Variants in DCDC1 observed in about 807,000 individuals in gnomAD.
The protein encoded by DCDC1 is doublecortin domain containing 1.
Under a neutral mutation model 178.3 loss-of-function variants are expected in DCDC1, and 200 were observed. The observed-to-expected ratio is 1.12, with a 90% CI of 1.00 to 1.26. The LOEUF (loss-of-function observed/expected upper bound fraction) is 1.26, where lower values mean the gene tolerates loss of function less well. DCDC1 is among the 50% of genes most tolerant of loss of function. The probability of loss-of-function intolerance (pLI) is 0.00; values close to 1 mark genes in which losing one functional copy is unlikely to be tolerated. For missense variants in DCDC1, 1,983 were observed against 1,749.2 expected (o/e 1.13, Z -2.38); for synonymous variants, 690 against 604.8 (o/e 1.14, Z -2.07).
At chr11:31,339,409 A>G (rs1950432914) in intron 1 of DCDC1, among the ~76,000 whole-genome samples, 1 of 152,188 alleles carries the variant, frequency 6.6e-6, no homozygotes, top group Non-Finnish European at 1.5e-5. Context: ...AACTGTGAGG[A>G]ATAAATTTCT....
At chr11:31,158,714 T>C (rs1002011031) in intron 9 of DCDC1, among the ~76,000 whole-genome samples, 1 of 152,190 alleles carries the variant, frequency 6.6e-6, no homozygotes, top group African/African-American at 2.4e-5. Context: ...TCTTTTTTCA[T>C]ATTCAAATAT....
intron 20 of DCDC1, among the ~76,000 whole-genome samples, chr11:30,968,547 C>T (rs1337690480): frequency 6.6e-6 from 1 of 150,750 alleles, no homozygotes; most frequent in African/African-American, 2.4e-5. Flanking sequence ...CTAGTTATTG[C>T]TATTGCATTA....
chr11:31,107,174 G>T (rs208078), intron 12 of DCDC1, among the ~76,000 whole-genome samples: 107,202 of 152,018 alleles, frequency 0.71, 38,768 homozygotes, highest in East Asian at 0.96. Context: ...CAGCAGGGGG[G>T]GCCACAGGCT....
At chr11:31,139,197 C>T (rs1016951866) in intron 9 of DCDC1, among the ~76,000 whole-genome samples, 14 of 152,080 alleles carry the variant, frequency 9.2e-5, no homozygotes, top group African/African-American at 2.4e-4. Flanking sequence ...ATGAGCATGA[C>T]TGTGCTTCAA....
intron 37 of DCDC1, among the ~76,000 whole-genome samples, chr11:30,880,171 T>C (rs1364869874): frequency 1.3e-5 from 2 of 152,076 alleles, no homozygotes; most frequent in African/African-American, 2.4e-5. Flanking sequence ...TAAGTACCCA[T>C]GTAGTGAGGG....
intron 32 of DCDC1, among the ~76,000 whole-genome samples, chr11:30,901,961 T>C (rs1175640950): frequency 2.6e-5 from 4 of 152,134 alleles, no homozygotes; most frequent in Admixed American, 2.6e-4. Context: ...CGTGTGTGTA[T>C]ATAAATACAC....
intron 21 of DCDC1, among the ~76,000 whole-genome samples, chr11:30,945,512 G>A (rs2134424244): frequency 6.6e-6 from 1 of 151,894 alleles, no homozygotes; most frequent in South Asian, 2.1e-4. Flanking sequence ...TGACCAACAT[G>A]GTGAAACCCT....
intron 38 of DCDC1, among the ~76,000 whole-genome samples, chr11:30,867,107 A>G (rs1202974502): frequency 6.6e-6 from 1 of 152,222 alleles, no homozygotes; most frequent in Non-Finnish European, 1.5e-5. Flanking sequence ...CTCAGTTGTC[A>G]TCAGGAAAGT....
intron 6 of DCDC1, among the ~76,000 whole-genome samples, chr11:31,297,497 T>C (rs2616799): frequency 0.7 from 106,842 of 151,796 alleles, 39,030 homozygotes; most frequent in African/African-American, 0.9. Context: ...AGGCGCGCAC[T>C]ACCGTGCCTG....
chr11:31,304,308 GA>G (rs1948314322), intron 6 of DCDC1, among the ~76,000 whole-genome samples: 1 of 152,052 alleles, frequency 6.6e-6, no homozygotes, highest in Admixed American at 6.6e-5. Context: ...GGATCTTAAT[GA>G]AGCAATCATT....
chr11:30,901,952 G>A (rs911643704), intron 32 of DCDC1, among the ~76,000 whole-genome samples: 5 of 152,088 alleles, frequency 3.3e-5, no homozygotes, highest in Middle Eastern at 3.4e-3. Flanking sequence ...ATATATGTGC[G>A]TGTGTGTATA....
At chr11:31,179,947 G>A (rs1298104980) in intron 9 of DCDC1, among the ~76,000 whole-genome samples, 1 of 152,114 alleles carries the variant, frequency 6.6e-6, no homozygotes, top group Non-Finnish European at 1.5e-5. Flanking sequence ...CCATAATCAG[G>A]TAGGATTTAT....
chr11:31,362,976 C>A lies in DCDC1; in HGVS notation c.-125+6721G>T, dbSNP rs550794521. Among the ~76,000 whole-genome samples the A allele has an allele frequency of 4.7e-4, 71 of 152,120 alleles. 1 individual carries two copies. The highest frequency in any genetic ancestry group is 1.5e-3 in the African/African-American group (62 of 41,532). ...AGTAATAAAAAACAGACTATAGTAA[C>A]CCTGATGCTAAATGAAGAATGTATT... is the stretch of plus-strand genomic sequence containing the variant. On this transcript the variant is annotated intron_variant, in intron 1 of 38. Coordinates refer to ENST00000684477, the MANE Select transcript of DCDC1 (RefSeq NM_001387274.1).
rs369683153 is a variant in DCDC1 at position 30,963,358 on chromosome 11, G to T, written c.2592-10790C>A. On this transcript the variant is annotated intron_variant, in intron 20 of 38. Coordinates refer to ENST00000684477, the MANE Select transcript of DCDC1 (RefSeq NM_001387274.1). ...TATGTCAACTAATTTTGCTTAAAGT[G>T]CTTAAAGTCCATATCAGACAGAAAC... 5.9e-5 allele frequency among the ~76,000 whole-genome samples: 9 copies of T among 152,236 alleles called. No individual in the cohort carries two copies. The East Asian group carries it at 1.5e-3, about 26-fold the overall frequency.
At chr11:31,272,436 C>G (rs1447864856) in intron 7 of DCDC1, among the ~76,000 whole-genome samples, 1 of 152,194 alleles carries the variant, frequency 6.6e-6, no homozygotes, top group Admixed American at 6.5e-5. Context: ...TTAGCATTAA[C>G]TCAAAAGTCC....
chr11:30,963,261 C>T (rs554325963), intron 20 of DCDC1, among the ~76,000 whole-genome samples: 127 of 152,170 alleles, frequency 8.3e-4, no homozygotes, highest in Non-Finnish European at 1.7e-3. Flanking sequence ...TATGATTCTT[C>T]GAGTAAAGAC....
intron 8 of DCDC1, among the ~76,000 whole-genome samples, chr11:31,253,914 T>C (rs2137010276): frequency 6.6e-6 from 1 of 152,350 alleles, no homozygotes. Context: ...CTTGCAATGC[T>C]CTTCCCCGTG....
At chr11:31,349,787 G>T (rs1405843047) in intron 1 of DCDC1, among the ~76,000 whole-genome samples, 3 of 152,028 alleles carry the variant, frequency 2.0e-5, no homozygotes, top group African/African-American at 7.3e-5. Flanking sequence ...GATTGCTGGA[G>T]CCCAGGAGTT....
chr11:31,346,169 G>A (rs1368241360), intron 1 of DCDC1, among the ~76,000 whole-genome samples: 1 of 152,022 alleles, frequency 6.6e-6, no homozygotes, highest in South Asian at 2.1e-4. Context: ...CATGTTAAAA[G>A]ACATGGCAGA....
Sources: gnomAD v4.1 joint callset for allele counts (sites outside exome capture counted in the v4.1 genomes callset) on GRCh38, gnomAD v4.1.1 for gene constraint, MANE v1.5 for transcripts, NCBI Gene and HGNC (gene_info 2026-07-23, HGNC 2026-07-21) for gene names.